Variants in PIWIL1 observed in about 807,000 individuals in gnomAD.
The protein encoded by PIWIL1 is piwi-like protein 1.
In PIWIL1, 73 loss-of-function variants were observed where a neutral mutation model predicts 114.4. The observed-to-expected ratio is 0.64, with a 90% CI of 0.53 to 0.78. The LOEUF (loss-of-function observed/expected upper bound fraction) is 0.78. PIWIL1 is among the 30% of genes least tolerant of loss of function. The pLI is 0.00. For synonymous variants in PIWIL1, 375 were observed against 369.0 expected (o/e 1.02, Z -0.19); for missense variants, 723 against 1,063.1 (o/e 0.68, Z 4.45).
the PIWIL1 span, among the ~76,000 whole-genome samples, chr12:130,384,269 T>C: frequency 6.6e-6 from 1 of 152,222 alleles, no homozygotes; most frequent in Non-Finnish European, 1.5e-5. Context: ...GCCATTTCCA[T>C]TATGTTCAGG....
intron 18 of PIWIL1, among the ~76,000 whole-genome samples, chr12:130,363,612 CTTTTTTTTTT>C (rs34198016): frequency 1.2e-5 from 1 of 82,382 alleles, no homozygotes; most frequent in African/African-American, 5.1e-5. Flanking sequence ...TACTTTCTCC[CTTTTTTTTTT>C]TTTTTTTTTT....
chr12:130,352,815 T>C (rs2073249210), intron 9 of PIWIL1, among the ~76,000 whole-genome samples: 1 of 152,200 alleles, frequency 6.6e-6, no homozygotes, highest in Admixed American at 6.5e-5. Context: ...GACACATTTC[T>C]GAAATTACGA....
rs55837028 is a variant in PIWIL1, at chr12:130,358,675, G to T, written c.1665+1122G>T. 9.8e-3 allele frequency among the ~76,000 whole-genome samples: 1,497 copies of T among 152,190 alleles called. 13 individuals carry two copies. The highest frequency in any genetic ancestry group is 0.052 in the East Asian group (267 of 5,170). On this transcript the variant is annotated intron_variant, in intron 14 of 20. Coordinates refer to ENST00000245255, the MANE Select transcript of PIWIL1 (RefSeq NM_004764.5). ...CATCAGTGTTTTGAATTATTCAGGG[G>T]AAAATTACCCCCCTTTTCTCAAGCT...
At chr12:130,345,972 G>A (rs1298831052) in intron 4 of PIWIL1, 94 bp downstream of exon 4, 4 of 1,376,284 alleles carry the variant, frequency 2.9e-6, no homozygotes, top group Non-Finnish European at 4.0e-6. Flanking sequence ...ATTTGGCCAA[G>A]GATCCTGCAT....
At chr12:130,396,521 G>C in the PIWIL1 span, 3 of 152,616 alleles carry the variant, frequency 2.0e-5, no homozygotes, top group Non-Finnish European at 4.4e-5. Flanking sequence ...GTCTGGTTTT[G>C]GTGTGGCTTA....
chr12:130,342,644 C>T lies in PIWIL1; in HGVS notation c.53C>T (p.Thr18Ile), dbSNP rs1179866968. 1.2e-6 allele frequency: 2 copies of T among 1,613,732 alleles called. No homozygotes were observed. The highest frequency in any genetic ancestry group is 1.7e-6 in the Non-Finnish European group (2 of 1,179,704). The change falls in exon 2 of 21, where the codon ACA (threonine) becomes ATA (isoleucine). Residue 18 changes from threonine (T) to isoleucine (I), a missense_variant. Thr to Ile is a moderately conservative substitution (Grantham distance 89). Coordinates refer to ENST00000245255, the MANE Select transcript of PIWIL1 (RefSeq NM_004764.5). ...RARGRARGQE[T>I]AQLVGSTASQ... The stretch of plus-strand genomic sequence containing the variant: ...AGAGGAAGGGCCCGCGGTCAGGAGA[C>T]AGCGCAGCTGGTGGGCTCCACTGCC...
the PIWIL1 span, chr12:130,399,908 A>G: frequency 3.5e-3 from 4,827 of 1,377,128 alleles, 21 homozygotes; most frequent in South Asian, 7.1e-3. Flanking sequence ...GTACAGGTAC[A>G]TGGTGAGTTT....
At chr12:130,346,679 G>A in intron 5 of PIWIL1, 95 bp downstream of exon 5, 1 of 1,026,282 alleles carries the variant, frequency 9.7e-7, no homozygotes, top group Non-Finnish European at 1.5e-6. Flanking sequence ...GGCCCCAGGA[G>A]TCTCCTGTCT....
the PIWIL1 span, chr12:130,424,372 G>A: frequency 8.1e-7 from 1 of 1,232,744 alleles, no homozygotes; most frequent in Non-Finnish European, 1.0e-6. This position sits in a 1 kb window ranked among gnomAD's most constrained non-coding sequence, Gnocchi z 9.8. Context: ...ACGCTGCTCT[G>A]CCGGGTCAGC....
chr12:130,354,323 A>G (rs2073301141), intron 9 of PIWIL1, among the ~76,000 whole-genome samples: 1 of 152,304 alleles, frequency 6.6e-6, no homozygotes, highest in African/African-American at 2.4e-5. Flanking sequence ...AGTTTTTAGG[A>G]AAAAGATAGG....
chr12:130,361,996 G>T (rs1190720393), intron 16 of PIWIL1, among the ~76,000 whole-genome samples: 2 of 152,142 alleles, frequency 1.3e-5, no homozygotes, highest in Admixed American at 1.3e-4. Flanking sequence ...GGAACTAAGG[G>T]AATTGCCAAG....
the PIWIL1 span, chr12:130,426,051 A>C: frequency 6.6e-6 from 1 of 152,402 alleles, no homozygotes; most frequent in Non-Finnish European, 1.5e-5. Flanking sequence ...TCGAAAACAA[A>C]CCATCCTTAG....
At position 130,367,178 on chromosome 12, in the gene PIWIL1, A is replaced by AT; in HGVS notation, c.2247dup (p.Ala750CysfsTer17). Reference sequence around the variant, plus strand: ...TGGTGAAGAAAAGAGTGAACACCAGATTTTTTGCTCAGTCTGGAGGAAGAC... The same window carrying AT: ...TGGTGAAGAAAAGAGTGAACACCAGATTTTTTTGCTCAGTCTGGAGGAAGAC... On this transcript the variant is annotated frameshift_variant, in exon 19 of 21. Transcript: ENST00000245255. LOFTEE classifies it high-confidence loss of function. 1 of 1,614,092 alleles carries AT rather than the reference A, an allele frequency of 6.2e-7. No individual in the cohort carries two copies. The highest frequency in any genetic ancestry group is 8.5e-7 in the Non-Finnish European group (1 of 1,179,990).
the PIWIL1 span, chr12:130,399,792 C>G: frequency 6.2e-7 from 1 of 1,614,046 alleles, no homozygotes; most frequent in Non-Finnish European, 8.5e-7. Flanking sequence ...GGCACAAGGC[C>G]TTTCTGCCCA....
At chr12:130,343,690 A>T (rs2136128341) in intron 3 of PIWIL1, among the ~76,000 whole-genome samples, 1 of 139,170 alleles carries the variant, frequency 7.2e-6, no homozygotes, top group East Asian at 2.1e-4. Context: ...CAGTGGCGCG[A>T]TCTCTGCTCA....
chr12:130,418,163 T>C, the PIWIL1 span, among the ~76,000 whole-genome samples: 1 of 152,236 alleles, frequency 6.6e-6, no homozygotes, highest in Non-Finnish European at 1.5e-5. Context: ...CAGGAAAGGT[T>C]GAATTTTAAA....
At chr12:130,391,794 C>G in the PIWIL1 span, among the ~76,000 whole-genome samples, 2 of 18,342 alleles carry the variant, frequency 1.1e-4, no homozygotes, top group African/African-American at 3.5e-4. Flanking sequence ...ACCTGCGACA[C>G]CCATGGGGGC....
chr12:130,416,451 C>G, the PIWIL1 span, among the ~76,000 whole-genome samples: 1 of 151,954 alleles, frequency 6.6e-6, no homozygotes, highest in Admixed American at 6.6e-5. Flanking sequence ...TTTGACAAAG[C>G]TGAGAAAAAT....
At chr12:130,401,805 G>C in the PIWIL1 span, among the ~76,000 whole-genome samples, 1 of 152,106 alleles carries the variant, frequency 6.6e-6, no homozygotes, top group East Asian at 1.9e-4. Context: ...TTCTCTGCCA[G>C]CCTTAGAAAA....
Sources: gnomAD v4.1 joint callset for allele counts (sites outside exome capture counted in the v4.1 genomes callset) on GRCh38, gnomAD v4.1.1 for gene constraint, Gnocchi (gnomAD v3.1) non-coding constraint, MANE v1.5 for transcripts, NCBI Gene and HGNC (gene_info 2026-07-23, HGNC 2026-07-21) for gene names.